Variants in USP31 observed in about 807,000 individuals in gnomAD.
The protein encoded by USP31 is ubiquitin carboxyl-terminal hydrolase 31.
A neutral mutation model predicts 119.4 loss-of-function variants in USP31; 44 were observed. That is an observed-to-expected ratio of 0.37 (90% CI 0.29 to 0.47). The LOEUF is 0.47. Ranked by LOEUF, USP31 falls within the 20% of genes least tolerant of loss-of-function variation. USP31 has a pLI of 0.99. For synonymous variants in USP31, 749 were observed against 705.6 expected, an observed-to-expected ratio of 1.06 and a Z score of -0.97; for missense variants, 1,643 against 1,730.2, an observed-to-expected ratio of 0.95 and a Z score of 0.89.
chr16:23,067,819 A>G lies in USP31; in HGVS notation c.*227T>C. ...CAATTATTCCAGTTAGCTTGGTGTC[A>G]ATGTTTTGCCTATGGCTGTTATTTG... On this transcript the variant is annotated 3_prime_UTR_variant, in exon 16 of 16. Transcript: ENST00000219689. 1 of 480,632 alleles carries G rather than the reference A, an allele frequency of 2.1e-6. No individual in the cohort carries two copies. Among genetic ancestry groups the G allele is most frequent in the South Asian group, 3.8e-5 (1 of 26,520 alleles). The allele number at this position is 480,632 out of a possible 1,614,324, so 29.8% of individuals were successfully genotyped here.
At chr16:23,097,240 A>G (rs1368707966) in intron 6 of USP31, among the ~76,000 whole-genome samples, 1 of 152,254 alleles carries the variant, frequency 6.6e-6, no homozygotes, top group Non-Finnish European at 1.5e-5. Context: ...TAGAAAATCT[A>G]GAAGAAATGG....
chr16:23,095,076 G>A (rs910397992), intron 6 of USP31, among the ~76,000 whole-genome samples: 4 of 152,090 alleles, frequency 2.6e-5, no homozygotes, highest in Admixed American at 2.0e-4. Flanking sequence ...CAAACCCATC[G>A]CAAGGAAGCT....
chr16:23,100,195 A>C (rs74581687), intron 6 of USP31, among the ~76,000 whole-genome samples: 3 of 152,230 alleles, frequency 2.0e-5, no homozygotes, highest in South Asian at 2.1e-4. Flanking sequence ...AAACGAAAAC[A>C]TAAGTCCACA....
At chr16:23,139,881 T>A (rs1396440095) in intron 1 of USP31, among the ~76,000 whole-genome samples, 1 of 152,120 alleles carries the variant, frequency 6.6e-6, no homozygotes, top group African/African-American at 2.4e-5. Flanking sequence ...ATATCAAATA[T>A]CCCTATTATT....
At chr16:23,129,750 T>C (rs1902970435) in intron 1 of USP31, among the ~76,000 whole-genome samples, 2 of 152,208 alleles carry the variant, frequency 1.3e-5, no homozygotes, top group South Asian at 2.1e-4. Flanking sequence ...TTTAACATGG[T>C]TCCATGTAAA....
intron 1 of USP31, among the ~76,000 whole-genome samples, chr16:23,126,110 A>T (rs925549985): frequency 7.2e-5 from 11 of 151,806 alleles, no homozygotes; most frequent in African/African-American, 2.7e-4. Context: ...GAGGCCAGGA[A>T]TTCAAGACCA....
Position 23,066,362 on chromosome 16 carries a change from A to C in USP31, c.*1684T>G, listed in dbSNP as rs1166113536. ...CTAATGCGCAAATTAGCAGCAAAAT[A>C]AAGTTAAGTAACGTACTAAAAACTT... On this transcript the variant is annotated 3_prime_UTR_variant, in exon 16 of 16. Coordinates refer to ENST00000219689, the MANE Select transcript of USP31 (RefSeq NM_020718.4). 1 of 152,636 alleles carries C rather than the reference A, an allele frequency of 6.6e-6. No individual in the cohort carries two copies. Among genetic ancestry groups the C allele is most frequent in the African/African-American group, 2.4e-5 (1 of 41,434 alleles). 9.5% of individuals were successfully genotyped at this position (152,636 alleles called of 1,614,324 possible). A position where few individuals can be genotyped will look rare whatever the true frequency, so the allele number is the denominator to read the frequency against.
rs1204900753 is a variant in USP31, at chr16:23,068,049, C to A, written c.4056G>T (p.Gln1352His). 11 of 1,605,688 alleles carry A rather than the reference C, an allele frequency of 6.9e-6. No homozygotes were observed. Among genetic ancestry groups the A allele is most frequent in the Admixed American group, 5.1e-5 (3 of 58,580 alleles). The change falls in exon 16 of 16, where the codon CAG becomes CAT. Residue 1352 changes from glutamine (Q) to histidine (H), a missense_variant. By Grantham distance (24) the Gln-to-His change is conservative (BLOSUM62 0). This residue lies in a region of USP31 where 699 missense variants were observed against 650.9 expected (regional missense o/e 1.07). Coordinates refer to ENST00000219689, the MANE Select transcript of USP31 (RefSeq NM_020718.4). Reference sequence around the variant, plus strand: ...AAACACTTTGATTGCAGAAATATCACTGAGGTTTTTGAGAAGGCCGTGCAG... The same window carrying A: ...AAACACTTTGATTGCAGAAATATCAATGAGGTTTTTGAGAAGGCCGTGCAG... ...QTSARPSQKP[Q>H]
chr16:23,083,990 A>G (rs561034589), intron 11 of USP31, among the ~76,000 whole-genome samples: 136 of 152,288 alleles, frequency 8.9e-4, no homozygotes, highest in African/African-American at 2.7e-3. Context: ...AACGAGGCAA[A>G]CTACCTCATA....
intron 14 of USP31, among the ~76,000 whole-genome samples, chr16:23,072,787 T>C (rs1042738974): frequency 6.6e-6 from 1 of 152,150 alleles, no homozygotes. Context: ...GCAGCATGAC[T>C]GTCTCAAGTA....
intron 2 of USP31, among the ~76,000 whole-genome samples, chr16:23,107,808 A>G (rs1269380004): frequency 2.6e-5 from 4 of 152,218 alleles, no homozygotes; most frequent in Non-Finnish European, 5.9e-5. Context: ...CTCATCATAC[A>G]TGCAAATGTT....
intron 1 of USP31, among the ~76,000 whole-genome samples, chr16:23,145,652 C>A (rs940221481): frequency 6.6e-6 from 1 of 152,136 alleles, no homozygotes; most frequent in Non-Finnish European, 1.5e-5. Context: ...AGGTGACAAA[C>A]CTAAGAACAA....
intron 1 of USP31, among the ~76,000 whole-genome samples, chr16:23,148,208 C>T (rs1204152006): frequency 6.6e-6 from 1 of 152,140 alleles, no homozygotes; most frequent in Non-Finnish European, 1.5e-5. Context: ...AACCACCTTA[C>T]AAAGTAGGTC....
chr16:23,067,906 C>T lies in USP31; in HGVS notation c.*140G>A. 1 of 1,077,374 alleles carries T rather than the reference C, an allele frequency of 9.3e-7. No individual in the cohort carries two copies. Among genetic ancestry groups the T allele is most frequent in the South Asian group, 1.6e-5 (1 of 61,380 alleles). The allele number at this position is 1,077,374 out of a possible 1,614,324, so 66.7% of individuals were successfully genotyped here. ...TGCAATTGAATTAGACACACACACG[C>T]ATACACTCACACACACACACACAGT... is the stretch of plus-strand genomic sequence containing the variant. On this transcript the variant is annotated 3_prime_UTR_variant, in exon 16 of 16. Transcript: ENST00000219689.
At chr16:23,084,716 A>T in intron 11 of USP31, 144 bp downstream of exon 11, 1 of 1,036,948 alleles carries the variant, frequency 9.6e-7, no homozygotes, top group Non-Finnish European at 1.4e-6. Context: ...CAAGAGCATT[A>T]AGATGCTCAT....
chr16:23,082,620 C>CTAAT, intron 11 of USP31, 63 bp from the exon 12 acceptor site: 6 of 1,605,820 alleles, frequency 3.7e-6, no homozygotes, highest in Non-Finnish European at 5.1e-6. Context: ...TACAGCTGGA[C>CTAAT]TAATGCCTTA....
intron 1 of USP31, among the ~76,000 whole-genome samples, chr16:23,114,504 C>G (rs1221666688): frequency 6.7e-6 from 1 of 149,490 alleles, no homozygotes; most frequent in Non-Finnish European, 1.5e-5. Flanking sequence ...AACAAATTAA[C>G]TGAAATCAAA....
chr16:23,075,997 A>C (rs1393835774), intron 13 of USP31, among the ~76,000 whole-genome samples: 1 of 152,154 alleles, frequency 6.6e-6, no homozygotes, highest in Non-Finnish European at 1.5e-5. Flanking sequence ...CTGAGGTAGG[A>C]GGATCTTGAG....
rs577803426 is a variant in USP31 at position 23,082,127 on chromosome 16, CAG to C, written c.1950+309_1950+310del. ...ACACCCATATTACATTAGGTAGAAACAGAATTCTACCTCCCCCAGAAAGGATC... is the reference window on the plus strand; with the variant it reads ...ACACCCATATTACATTAGGTAGAAACAATTCTACCTCCCCCAGAAAGGATC... On this transcript the variant is annotated intron_variant, in intron 12 of 15. Transcript: ENST00000219689. Among the ~76,000 whole-genome samples the C allele has an allele frequency of 5.3e-5, 8 of 152,280 alleles. No individual in the cohort carries two copies. In the South Asian group the frequency reaches 1.5e-3, roughly 28 times the overall value.
Sources: allele counts gnomAD v4.1 joint callset (sites outside exome capture counted in the v4.1 genomes callset), GRCh38; gene constraint gnomAD v4.1.1; regional missense constraint gnomAD v4.1.1; transcripts MANE v1.5; gene names NCBI Gene and HGNC (gene_info 2026-07-23, HGNC 2026-07-21).